LYPD6: variants seen among roughly 807,000 people sequenced by gnomAD.
LYPD6 encodes LY6/PLAUR domain containing 6.
LYPD6 carries 15 observed loss-of-function variants against 22.7 expected under a neutral mutation model. That is an observed-to-expected ratio of 0.66 (90% confidence interval 0.44 to 1.02). LYPD6 has a LOEUF of 1.02. Ranked by LOEUF, LYPD6 falls within the 50% of genes least tolerant of loss-of-function variation. The pLI, the probability that LYPD6 is intolerant of heterozygous loss-of-function variation, is 0.00. For missense variants in LYPD6, 189 were observed against 208.4 expected (o/e 0.91, Z 0.57); for synonymous variants, 72 against 77.5 (o/e 0.93, Z 0.37).
At chr2:149,406,777 G>A (rs1168628205) in intron 1 of LYPD6, among the ~76,000 whole-genome samples, 6 of 152,052 alleles carry the variant, frequency 3.9e-5, no homozygotes, top group Non-Finnish European at 4.4e-5. Context: ...CTGTCATTAT[G>A]ATGTTAGCTG....
At chr2:149,333,497 T>G (rs1424080823) in intron 1 of LYPD6, among the ~76,000 whole-genome samples, 1 of 152,204 alleles carries the variant, frequency 6.6e-6, no homozygotes, top group Non-Finnish European at 1.5e-5. Flanking sequence ...ACACTAACTG[T>G]GGGACTTCAA....
At chr2:149,383,089 A>G (rs1413258575) in intron 1 of LYPD6, among the ~76,000 whole-genome samples, 2 of 152,172 alleles carry the variant, frequency 1.3e-5, no homozygotes, top group Non-Finnish European at 2.9e-5. Context: ...AATTTTAACT[A>G]AAGTGTGTAA....
At chr2:149,385,082 G>C (rs1472933706) in intron 1 of LYPD6, among the ~76,000 whole-genome samples, 2 of 151,920 alleles carry the variant, frequency 1.3e-5, no homozygotes, top group African/African-American at 4.8e-5. Flanking sequence ...AGCTTCGTGG[G>C]ACCATCCTTT....
At chr2:149,352,723 CT>C (rs1191953328) in intron 1 of LYPD6, among the ~76,000 whole-genome samples, 1 of 152,210 alleles carries the variant, frequency 6.6e-6, no homozygotes, top group East Asian at 1.9e-4. Flanking sequence ...ACAGAGATCA[CT>C]TGTCCCTCAA....
intron 1 of LYPD6, among the ~76,000 whole-genome samples, chr2:149,363,274 T>C (rs1291583038): frequency 6.6e-6 from 1 of 152,188 alleles, no homozygotes; most frequent in East Asian, 1.9e-4. Context: ...TTATTGAACC[T>C]TTTGCTGTGT....
chr2:149,406,192 G>GA (rs1481893584), intron 1 of LYPD6, among the ~76,000 whole-genome samples: 2 of 149,796 alleles, frequency 1.3e-5, no homozygotes, highest in Non-Finnish European at 3.0e-5. Flanking sequence ...GTGTGGTGCT[G>GA]AAAAAAATGT....
chr2:149,377,560 A>G (rs1323126277), intron 1 of LYPD6, among the ~76,000 whole-genome samples: 1 of 152,078 alleles, frequency 6.6e-6, no homozygotes, highest in African/African-American at 2.4e-5. Flanking sequence ...TGGGTGAATC[A>G]CCTGAGGTCA....
At chr2:149,428,718 C>T (rs144373974) in intron 1 of LYPD6, among the ~76,000 whole-genome samples, 104 of 152,320 alleles carry the variant, frequency 6.8e-4, no homozygotes, top group Admixed American at 1.6e-3. Flanking sequence ...TAGCAGAAGA[C>T]CCGTTCCCGT....
chr2:149,455,983 T>G (rs185290067), intron 3 of LYPD6, among the ~76,000 whole-genome samples: 62 of 152,362 alleles, frequency 4.1e-4, no homozygotes, highest in Non-Finnish European at 8.8e-5. Flanking sequence ...TAACCAGTTG[T>G]GATTCAGTCA....
intron 1 of LYPD6, among the ~76,000 whole-genome samples, chr2:149,332,039 G>C: frequency 6.6e-6 from 1 of 152,198 alleles, no homozygotes; most frequent in East Asian, 1.9e-4. Context: ...GCGCTCACGT[G>C]TACCAAGTTT....
intron 3 of LYPD6, among the ~76,000 whole-genome samples, chr2:149,451,511 G>A (rs749355309): frequency 6.6e-6 from 1 of 152,160 alleles, no homozygotes; most frequent in Non-Finnish European, 1.5e-5. Flanking sequence ...CTGGTATTCT[G>A]TGTAGGCTCT....
chr2:149,372,893 C>G (rs1366765870), intron 1 of LYPD6, among the ~76,000 whole-genome samples: 1 of 152,166 alleles, frequency 6.6e-6, no homozygotes. Flanking sequence ...AAATTTTCAT[C>G]TAGGGGTTGA....
chr2:149,347,274 A>G (rs1170873464), intron 1 of LYPD6, among the ~76,000 whole-genome samples: 2 of 152,202 alleles, frequency 1.3e-5, no homozygotes, highest in Admixed American at 6.5e-5. Flanking sequence ...CCCCACCATC[A>G]TGATCTCCCA....
At chr2:149,385,546 C>T (rs1271182633) in intron 1 of LYPD6, among the ~76,000 whole-genome samples, 2 of 152,294 alleles carry the variant, frequency 1.3e-5, no homozygotes, top group East Asian at 3.9e-4. Flanking sequence ...TCTCCTCAGC[C>T]AGGCAGTTGG....
chr2:149,436,886 GT>G (rs59695745), intron 1 of LYPD6, among the ~76,000 whole-genome samples: 2,563 of 152,242 alleles, frequency 0.017, 84 homozygotes, highest in African/African-American at 0.059. Flanking sequence ...CATCCAATCC[GT>G]TTTTTAAATA....
intron 1 of LYPD6, among the ~76,000 whole-genome samples, chr2:149,423,558 C>T (rs1573795713): frequency 6.6e-6 from 1 of 152,026 alleles, no homozygotes; most frequent in Non-Finnish European, 1.5e-5. Context: ...TGAAAAGTGT[C>T]CTAGCCAGGG....
chr2:149,458,173 T>C (rs1681008303), intron 3 of LYPD6, among the ~76,000 whole-genome samples: 1 of 152,166 alleles, frequency 6.6e-6, no homozygotes, highest in Non-Finnish European at 1.5e-5. Context: ...ACCTTTCTGC[T>C]TGGGATTGTG....
At chr2:149,486,301 T>C in the LYPD6 span, among the ~76,000 whole-genome samples, 59 of 152,322 alleles carry the variant, frequency 3.9e-4, no homozygotes, top group Middle Eastern at 6.8e-3. Context: ...ACTCAATACC[T>C]GGTCTAAAGA....
At chr2:149,381,814 T>C (rs1221990278) in intron 1 of LYPD6, among the ~76,000 whole-genome samples, 1 of 152,240 alleles carries the variant, frequency 6.6e-6, no homozygotes, top group Non-Finnish European at 1.5e-5. Context: ...TCACACAGCT[T>C]GAAGTCAAAG....
Sources: allele counts gnomAD v4.1 joint callset (sites outside exome capture counted in the v4.1 genomes callset), GRCh38; gene constraint gnomAD v4.1.1; transcripts MANE v1.5; gene names NCBI Gene and HGNC (gene_info 2026-07-23, HGNC 2026-07-21).